Variants in ERC2 observed in about 807,000 individuals in gnomAD.
ERC2 encodes the protein ERC protein 2.
Under a neutral mutation model 114.8 loss-of-function variants are expected in ERC2, and 42 were observed. The observed-to-expected ratio is 0.37, with a 90% CI of 0.29 to 0.47. The LOEUF (loss-of-function observed/expected upper bound fraction) is 0.47. Among genes scored for constraint, ERC2 ranks in the 20% least tolerant of loss-of-function variants. The pLI, the probability that ERC2 is intolerant of heterozygous loss-of-function variation, is 0.99. For synonymous variants in ERC2, 454 were observed against 425.5 expected (o/e 1.07, Z -0.82); for missense variants, 939 against 1,150.7 (o/e 0.82, Z 2.66).
chr3:56,435,040 A>G lies in ERC2; in HGVS notation c.-33T>C. 6.6e-7 allele frequency: 1 copy of G among 1,521,358 alleles called. No individual in the cohort carries two copies. Among genetic ancestry groups the G allele is most frequent in the Non-Finnish European group, 8.9e-7 (1 of 1,128,268 alleles). The allele number at this position is 1,521,358 out of a possible 1,614,324, so 94.2% of individuals were successfully genotyped here. A position where few individuals can be genotyped will look rare whatever the true frequency, so the allele number is the denominator to read the frequency against. On this transcript the variant is annotated 5_prime_UTR_variant, in exon 2 of 18. Coordinates refer to ENST00000288221, the MANE Select transcript of ERC2 (RefSeq NM_015576.3). ...GTATTATGAGGTGTTACTGAAGAGA[A>G]GAAATGCTATATTAAGTTGGGGTTT...
At chr3:56,049,891 C>A (rs1228135762) in intron 7 of ERC2, among the ~76,000 whole-genome samples, 1 of 146,118 alleles carries the variant, frequency 6.8e-6, no homozygotes, top group Non-Finnish European at 1.5e-5. Context: ...TCTAGAGAAC[C>A]CTAACACAGA....
chr3:56,419,364 G>A (rs916554033), intron 2 of ERC2, among the ~76,000 whole-genome samples: 14 of 152,310 alleles, frequency 9.2e-5, no homozygotes, highest in Non-Finnish European at 1.5e-4. Flanking sequence ...CATAATGAAT[G>A]GAAAGTCCTT....
At chr3:56,168,596 G>A (rs140976084) in intron 4 of ERC2, among the ~76,000 whole-genome samples, 1 of 152,266 alleles carries the variant, frequency 6.6e-6, no homozygotes, top group East Asian at 1.9e-4. Context: ...GTTTGCCTTT[G>A]AACTCTCTCC....
intron 2 of ERC2, among the ~76,000 whole-genome samples, chr3:56,352,000 G>C (rs1030617765): frequency 2.0e-5 from 3 of 152,184 alleles, no homozygotes. Flanking sequence ...TCTTGAAGTG[G>C]AGAATAACCA....
At chr3:55,659,830 AC>A (rs1417071696) in intron 17 of ERC2, among the ~76,000 whole-genome samples, 5 of 150,774 alleles carry the variant, frequency 3.3e-5, no homozygotes, top group Admixed American at 2.0e-4. Context: ...CCGCCTCTGT[AC>A]CTGGCCAACT....
intron 14 of ERC2, among the ~76,000 whole-genome samples, chr3:55,799,772 G>T (rs925476311): frequency 6.6e-6 from 1 of 152,074 alleles, no homozygotes; most frequent in African/African-American, 2.4e-5. Context: ...AATAATGTTT[G>T]CTTCCACCAG....
At chr3:56,295,043 A>G (rs2055340136) in intron 3 of ERC2, among the ~76,000 whole-genome samples, 1 of 152,238 alleles carries the variant, frequency 6.6e-6, no homozygotes, top group Admixed American at 6.5e-5. Flanking sequence ...AAATCCCAAC[A>G]TGGAAGCCAT....
At chr3:56,308,174 G>A (rs112858473) in intron 2 of ERC2, among the ~76,000 whole-genome samples, 299 of 152,298 alleles carry the variant, frequency 2.0e-3, no homozygotes, top group African/African-American at 6.6e-3. Context: ...AGCATAAATT[G>A]TGGTGGCTTA....
chr3:55,573,070 T>G (rs1575620237), intron 17 of ERC2, among the ~76,000 whole-genome samples: 1 of 152,160 alleles, frequency 6.6e-6, no homozygotes, highest in African/African-American at 2.4e-5. Context: ...ACCTTCCAAG[T>G]GTTCTCCACT....
chr3:56,428,773 G>A (rs756328744), intron 2 of ERC2, among the ~76,000 whole-genome samples: 1 of 152,150 alleles, frequency 6.6e-6, no homozygotes, highest in Non-Finnish European at 1.5e-5. Context: ...GCCAAAAATA[G>A]AAATGATCAC....
intron 6 of ERC2, among the ~76,000 whole-genome samples, chr3:56,115,395 TA>T (rs1318465706): frequency 6.6e-6 from 1 of 152,068 alleles, no homozygotes; most frequent in Non-Finnish European, 1.5e-5. Flanking sequence ...GGGCTAACCA[TA>T]GGGTTGGTTC....
chr3:55,804,115 T>C (rs1234111565), intron 14 of ERC2, among the ~76,000 whole-genome samples: 2 of 152,244 alleles, frequency 1.3e-5, no homozygotes, highest in African/African-American at 2.4e-5. Flanking sequence ...TTAGAAAGTC[T>C]GTAGCATTCT....
intron 17 of ERC2, among the ~76,000 whole-genome samples, chr3:55,609,100 G>T (rs548397476): frequency 6.6e-6 from 1 of 152,164 alleles, no homozygotes; most frequent in African/African-American, 2.4e-5. Flanking sequence ...AAAGTTATCT[G>T]AAGTCAAGCA....
At position 56,173,462 on chromosome 3, in the gene ERC2, G is replaced by A. The variant is rs1489407934; in HGVS notation, c.1133C>T (p.Thr378Ile). ...AGTTCCTACCTTCATTTCGATGACA[G>A]TCTGGAGAGCCTTCGTCTTGGCTGG... Reference protein sequence around the residue: ...PEPAKTKALQTVIEMKDTKIA... With the variant: ...PEPAKTKALQIVIEMKDTKIA... Residue 378 changes from threonine (T) to isoleucine (I), a missense_variant, in exon 4 of 18, where the codon ACT becomes ATT. Physicochemically the swap from Thr to Ile is moderately conservative, Grantham distance 89. Transcript: ENST00000288221. The A allele has an allele frequency of 6.2e-7, 1 of 1,613,916 alleles. No homozygotes were observed. The highest frequency in any genetic ancestry group is 8.5e-7 in the Non-Finnish European group (1 of 1,179,822).
Position 55,827,134 on chromosome 3 carries a change from G to A in ERC2, c.2564+61255C>T, listed in dbSNP as rs114257555. 4.2e-3 allele frequency among the ~76,000 whole-genome samples: 637 copies of A among 152,114 alleles called. 9 individuals are homozygous for A. Among genetic ancestry groups the A allele is most frequent in the African/African-American group, 0.015 (604 of 41,468 alleles). On this transcript the variant is annotated intron_variant, in intron 14 of 17. Coordinates refer to ENST00000288221, the MANE Select transcript of ERC2 (RefSeq NM_015576.3). The stretch of plus-strand genomic sequence containing the variant: ...CCTCTTGAGTAAGGAGCATTCTTTC[G>A]GTATTCCTGCTGCATGTGATTCCTG...
chr3:55,643,268 C>T (rs1321071598), intron 17 of ERC2, among the ~76,000 whole-genome samples: 2 of 152,144 alleles, frequency 1.3e-5, no homozygotes, highest in African/African-American at 2.4e-5. Flanking sequence ...TCCTTGAATA[C>T]TTCTTTGATA....
At chr3:56,450,792 T>C (rs1426894462) in intron 1 of ERC2, among the ~76,000 whole-genome samples, 5 of 152,216 alleles carry the variant, frequency 3.3e-5, no homozygotes, top group Admixed American at 3.3e-4. Flanking sequence ...GATCACGCCG[T>C]TGCGCTCCAG....
chr3:55,902,267 T>A (rs987421392), intron 13 of ERC2, among the ~76,000 whole-genome samples: 1 of 152,090 alleles, frequency 6.6e-6, no homozygotes, highest in African/African-American at 2.4e-5. Context: ...TTCTCCTTTA[T>A]TTAAAACATT....
At chr3:56,186,312 T>C (rs1180717950) in intron 3 of ERC2, among the ~76,000 whole-genome samples, 1 of 152,086 alleles carries the variant, frequency 6.6e-6, no homozygotes, top group African/African-American at 2.4e-5. Flanking sequence ...AAAACTAATA[T>C]TGAATAGCTA....
Sources: gnomAD v4.1 joint callset for allele counts (sites outside exome capture counted in the v4.1 genomes callset) on GRCh38, gnomAD v4.1.1 for gene constraint, MANE v1.5 for transcripts, NCBI Gene and HGNC (gene_info 2026-07-23, HGNC 2026-07-21) for gene names.